The following MAP4K5 variants were observed in gnomAD, a reference collection of about 807,000 sequenced individuals.
MAP4K5 encodes mitogen-activated protein kinase kinase kinase kinase 5, also known as MAPK/ERK kinase kinase kinase 5.
In MAP4K5, 82 loss-of-function variants were observed where a neutral mutation model predicts 135.6. The observed-to-expected ratio is 0.60, with a 90% CI of 0.51 to 0.73. The LOEUF is 0.73. MAP4K5 is among the 30% of genes least tolerant of loss of function. The pLI is 0.00. For synonymous variants in MAP4K5, 347 were observed against 335.0 expected (o/e 1.04, Z -0.39); for missense variants, 907 against 1,010.9 (o/e 0.90, Z 1.39).
chr14:50,456,498 T>G lies in MAP4K5; in HGVS notation c.1015+18A>C. ...ACCCTCCAAAACCACCAATGGAAAA[T>G]GTAAACCAAACACATACAATTTATT... On this transcript the variant is annotated intron_variant, in intron 14 of 32. Transcript: ENST00000682126. 1.9e-6 allele frequency: 3 copies of G among 1,543,198 alleles called. No individual in the cohort carries two copies. Among genetic ancestry groups the G allele is most frequent in the Non-Finnish European group, 2.6e-6 (3 of 1,135,086 alleles).
chr14:50,535,804 AT>A (rs1252797913), upstream of MAP4K5, among the ~76,000 whole-genome samples: 2 of 152,178 alleles, frequency 1.3e-5, no homozygotes, highest in Non-Finnish European at 2.9e-5. Context: ...TGTTACTGAT[AT>A]GGTTTGTCTG....
At chr14:50,443,684 AAG>A (rs772245708) in intron 20 of MAP4K5, 43 bp downstream of exon 20, 227 of 1,517,604 alleles carry the variant, frequency 1.5e-4, no homozygotes, top group Non-Finnish European at 1.9e-4. Context: ...GCTGCTTCTA[AAG>A]AGAGAAAAAA....
At position 50,456,607 on chromosome 14, in the gene MAP4K5, G is replaced by A; in HGVS notation, c.937-13C>T. On this transcript the variant is annotated splice_polypyrimidine_tract_variant and intron_variant, in intron 13 of 32. Coordinates refer to ENST00000682126, the MANE Select transcript of MAP4K5 (RefSeq NM_006575.6). The stretch of plus-strand genomic sequence containing the variant: ...TGATTGCATGGGGCTGTGAATATAA[G>A]CATAATATATATACTTTAACAAATT... The A allele has an allele frequency of 2.0e-6, 3 of 1,511,832 alleles. No homozygotes were observed. Among genetic ancestry groups the A allele is most frequent in the East Asian group, 2.4e-5 (1 of 41,144 alleles). The allele number at this position is 1,511,832 out of a possible 1,614,324, so 93.7% of individuals were successfully genotyped here. A position where few individuals can be genotyped will look rare whatever the true frequency, so the allele number is the denominator to read the frequency against.
intron 30 of MAP4K5, among the ~76,000 whole-genome samples, chr14:50,427,599 T>C (rs1262362277): frequency 6.6e-6 from 1 of 152,178 alleles, no homozygotes; most frequent in Non-Finnish European, 1.5e-5. Context: ...CAAATAAAAA[T>C]TACCAACTTC....
chr14:50,441,810 CCT>C (rs1383631930), intron 21 of MAP4K5, among the ~76,000 whole-genome samples: 33 of 148,878 alleles, frequency 2.2e-4, no homozygotes, highest in Non-Finnish European at 3.6e-4. Context: ...ATATATACCC[CCT>C]CTGTCATACT....
intron 2 of MAP4K5, among the ~76,000 whole-genome samples, chr14:50,539,978 A>G (rs2038540504): frequency 6.6e-6 from 1 of 152,120 alleles, no homozygotes; most frequent in Non-Finnish European, 1.5e-5. Flanking sequence ...TACCATGCCC[A>G]GGAGGGCCCA....
At chr14:50,475,620 T>G (rs575314027) in intron 8 of MAP4K5, among the ~76,000 whole-genome samples, 1 of 152,176 alleles carries the variant, frequency 6.6e-6, no homozygotes, top group Admixed American at 6.5e-5. Context: ...GGTGGGAGCA[T>G]AGCCTGAGGC....
chr14:50,422,359 T>C (rs1262101405), intron 32 of MAP4K5, among the ~76,000 whole-genome samples: 1 of 152,202 alleles, frequency 6.6e-6, no homozygotes, highest in Non-Finnish European at 1.5e-5. Flanking sequence ...AAAATTTTTA[T>C]GGAGTTATAA....
chr14:50,543,307 G>T (rs1303009463), intron 1 of MAP4K5, among the ~76,000 whole-genome samples: 1 of 152,240 alleles, frequency 6.6e-6, no homozygotes, highest in African/African-American at 2.4e-5. Context: ...TCCCTTGACA[G>T]ATAAGTCAAC....
At chr14:50,489,453 A>G (rs181864610) in intron 3 of MAP4K5, among the ~76,000 whole-genome samples, 60 of 152,310 alleles carry the variant, frequency 3.9e-4, no homozygotes, top group South Asian at 4.1e-4. Flanking sequence ...TCTTATCTTC[A>G]GTTTTGACTA....
At position 50,418,980 on chromosome 14, in the gene MAP4K5, T is replaced by C. The variant is rs1315748227; in HGVS notation, c.*1039A>G. The C allele has an allele frequency of 6.6e-6, 1 of 152,170 alleles. No homozygotes were observed. The highest frequency in any genetic ancestry group is 1.5e-5 in the Non-Finnish European group (1 of 67,984). The allele number at this position is 152,170 out of a possible 1,614,324, so 9.4% of individuals were successfully genotyped here. A position where few individuals can be genotyped will look rare whatever the true frequency, so the allele number is the denominator to read the frequency against. ...GGAATTCAATTCATTTAAATATTTT[T>C]TTTCTTCTTCAACCTACTCAAAATG... On this transcript the variant is annotated 3_prime_UTR_variant, in exon 33 of 33. Transcript: ENST00000682126.
intron 1 of MAP4K5, chr14:50,560,364 T>C: frequency 6.3e-7 from 1 of 1,586,934 alleles, no homozygotes; most frequent in South Asian, 1.1e-5. Flanking sequence ...TTTCTGCTTC[T>C]GTGGAGACAG....
At chr14:50,522,508 A>G (rs1317831349) in intron 2 of MAP4K5, among the ~76,000 whole-genome samples, 1 of 152,196 alleles carries the variant, frequency 6.6e-6, no homozygotes, top group African/African-American at 2.4e-5. Flanking sequence ...TTAAAATAGT[A>G]AATATCCACA....
At chr14:50,552,428 A>G (rs182574443) in intron 1 of MAP4K5, among the ~76,000 whole-genome samples, 1 of 152,360 alleles carries the variant, frequency 6.6e-6, no homozygotes, top group East Asian at 1.9e-4. Flanking sequence ...TATTGTGAAC[A>G]TGACCATACT....
intron 1 of MAP4K5, chr14:50,560,478 C>T (rs1386522405): frequency 2.5e-6 from 2 of 811,146 alleles, no homozygotes; most frequent in Non-Finnish European, 2.0e-6. Flanking sequence ...GCGGTACCCG[C>T]GTCACCGAAT....
chr14:50,483,273 A>C (rs1385109312), intron 5 of MAP4K5: 1 of 152,140 alleles, frequency 6.6e-6, no homozygotes, highest in East Asian at 1.9e-4. Flanking sequence ...TGGCAACCAG[A>C]TCTCTCCCTA....
intron 9 of MAP4K5, among the ~76,000 whole-genome samples, chr14:50,473,486 A>G (rs902199541): frequency 6.6e-6 from 1 of 152,188 alleles, no homozygotes. Flanking sequence ...TTTTAACGAC[A>G]TAAGAACTTA....
At chr14:50,472,788 G>T (rs944627510) in intron 9 of MAP4K5, among the ~76,000 whole-genome samples, 4 of 152,100 alleles carry the variant, frequency 2.6e-5, no homozygotes, top group African/African-American at 9.7e-5. Context: ...GGCAAAACAG[G>T]TAAGTTTCCA....
chr14:50,547,541 T>TA (rs2038649112), intron 1 of MAP4K5, among the ~76,000 whole-genome samples: 1 of 152,188 alleles, frequency 6.6e-6, no homozygotes, highest in Admixed American at 6.5e-5. Flanking sequence ...GATGAAATAA[T>TA]ACTGCCTACC....
Sources: allele counts gnomAD v4.1 joint callset (sites outside exome capture counted in the v4.1 genomes callset), GRCh38; gene constraint gnomAD v4.1.1; transcripts MANE v1.5; gene names NCBI Gene and HGNC (gene_info 2026-07-23, HGNC 2026-07-21).